Variants in ZDHHC13 observed in about 807,000 individuals in gnomAD.
ZDHHC13 encodes palmitoyltransferase ZDHHC13.
ZDHHC13 carries 85 observed loss-of-function variants against 86.0 expected under a neutral mutation model. The ratio of observed to expected loss-of-function variants is 0.99; its 90% CI spans 0.83 to 1.18. The LOEUF (loss-of-function observed/expected upper bound fraction) is 1.18, where lower values mean the gene tolerates loss of function less well. Among genes scored for constraint, ZDHHC13 ranks in the 50% most tolerant of loss-of-function variants. ZDHHC13 has a pLI of 0.00. For synonymous variants in ZDHHC13, 263 were observed against 246.4 expected, an observed-to-expected ratio of 1.07 and a Z score of -0.63; for missense variants, 711 against 730.2, an observed-to-expected ratio of 0.97 and a Z score of 0.30.
At position 19,172,262 on chromosome 11, in the gene ZDHHC13, G is replaced by A. The variant is rs945729870; in HGVS notation, c.1633-461G>A. On this transcript the variant is annotated intron_variant, in intron 15 of 16. Transcript: ENST00000446113. ...TAATTTTTGTATTTTTAGTGGAGACGGGGTTTCACCACGTTGGCCAGGCTG... is the reference window on the plus strand; with the variant it reads ...TAATTTTTGTATTTTTAGTGGAGACAGGGTTTCACCACGTTGGCCAGGCTG... Among the ~76,000 whole-genome samples the A allele has an allele frequency of 3.4e-4, 52 of 152,102 alleles. 1 individual carries two copies. The highest frequency in any genetic ancestry group is 1.1e-3 in the African/African-American group (47 of 41,488).
At chr11:19,155,661 A>G in intron 8 of ZDHHC13, 135 bp from the exon 9 acceptor site, 2 of 846,200 alleles carry the variant, frequency 2.4e-6, no homozygotes, top group Admixed American at 4.0e-5. Context: ...GCAATTTTAG[A>G]GGAAAACTTT....
chr11:19,148,383 G>A (rs1849525016), intron 4 of ZDHHC13, among the ~76,000 whole-genome samples: 1 of 151,842 alleles, frequency 6.6e-6, no homozygotes, highest in African/African-American at 2.4e-5. Flanking sequence ...TGCCCTTTAA[G>A]CTACTGAGGT....
intron 2 of ZDHHC13, among the ~76,000 whole-genome samples, chr11:19,144,925 G>T (rs538785213): frequency 6.6e-6 from 1 of 152,248 alleles, no homozygotes; most frequent in Admixed American, 6.5e-5. Flanking sequence ...AGACCAGCCT[G>T]GCTAACGTGG....
chr11:19,122,665 G>A (rs185404247), intron 1 of ZDHHC13, among the ~76,000 whole-genome samples: 11 of 152,152 alleles, frequency 7.2e-5, no homozygotes, highest in South Asian at 2.1e-4. Context: ...GACTGCCATC[G>A]TTAAAAATTA....
At chr11:19,150,553 A>G (rs1849580218) in intron 5 of ZDHHC13, among the ~76,000 whole-genome samples, 174 bp from the exon 6 acceptor site, 1 of 152,138 alleles carries the variant, frequency 6.6e-6, no homozygotes, top group African/African-American at 2.4e-5. Flanking sequence ...GTGGAAATCC[A>G]TGGATTTTTA....
intron 15 of ZDHHC13, among the ~76,000 whole-genome samples, chr11:19,170,861 G>A (rs1850203468): frequency 6.6e-6 from 1 of 152,202 alleles, no homozygotes; most frequent in Non-Finnish European, 1.5e-5. Context: ...TTTACAGATA[G>A]AAGTACAGAA....
chr11:19,153,369 T>C (rs971413560), intron 8 of ZDHHC13, among the ~76,000 whole-genome samples: 1 of 152,232 alleles, frequency 6.6e-6, no homozygotes, highest in African/African-American at 2.4e-5. Context: ...GAATATTGGA[T>C]TGATTCCACT....
chr11:19,137,752 G>A (rs1367869073), intron 1 of ZDHHC13, among the ~76,000 whole-genome samples: 1 of 152,202 alleles, frequency 6.6e-6, no homozygotes, highest in East Asian at 1.9e-4. Context: ...TCAGGATTAA[G>A]AATCTCACTC....
chr11:19,120,226 A>G (rs768404614), intron 1 of ZDHHC13, among the ~76,000 whole-genome samples: 33 of 152,220 alleles, frequency 2.2e-4, no homozygotes, highest in Non-Finnish European at 4.3e-4. Context: ...TGTGTCAGGG[A>G]CTTGGAGAGA....
At chr11:19,120,756 A>T (rs921210579) in intron 1 of ZDHHC13, among the ~76,000 whole-genome samples, 3 of 151,952 alleles carry the variant, frequency 2.0e-5, no homozygotes, top group African/African-American at 4.8e-5. Flanking sequence ...CCCTCTTTAA[A>T]TTTTTTTTCC....
chr11:19,142,758 A>G (rs1590072004), intron 1 of ZDHHC13, among the ~76,000 whole-genome samples: 1 of 151,392 alleles, frequency 6.6e-6, no homozygotes, highest in Admixed American at 6.6e-5. Flanking sequence ...TTTTTGAGAC[A>G]GAGTCTCACT....
intron 4 of ZDHHC13, among the ~76,000 whole-genome samples, chr11:19,147,992 G>C (rs1849514741): frequency 6.6e-6 from 1 of 152,142 alleles, no homozygotes. Flanking sequence ...GCTTATGACA[G>C]ATGTCTATTT....
chr11:19,155,121 C>CATTG, intron 8 of ZDHHC13, among the ~76,000 whole-genome samples: 1 of 152,258 alleles, frequency 6.6e-6, no homozygotes, highest in East Asian at 1.9e-4. Flanking sequence ...ATAGTTCCCT[C>CATTG]ATTGAGTCTT....
At chr11:19,164,576 C>T (rs1029054743) in intron 12 of ZDHHC13, 9 of 567,818 alleles carry the variant, frequency 1.6e-5, no homozygotes, top group South Asian at 4.5e-5. Context: ...TACATCTCTC[C>T]GTGAATTATC....
At chr11:19,158,781 A>G (rs1344883031) in intron 9 of ZDHHC13, among the ~76,000 whole-genome samples, 159 bp from the exon 10 acceptor site, 2 of 152,144 alleles carry the variant, frequency 1.3e-5, no homozygotes, top group Admixed American at 6.6e-5. Flanking sequence ...GCATAACTCT[A>G]TTACCACATG....
chr11:19,158,414 T>A (rs1341322909), intron 9 of ZDHHC13, among the ~76,000 whole-genome samples: 1 of 152,114 alleles, frequency 6.6e-6, no homozygotes, highest in Non-Finnish European at 1.5e-5. Context: ...TTTTAGCCTT[T>A]GTGTATCTTT....
chr11:19,120,508 C>T (rs1848739773), intron 1 of ZDHHC13, among the ~76,000 whole-genome samples: 1 of 152,172 alleles, frequency 6.6e-6, no homozygotes, highest in Non-Finnish European at 1.5e-5. Flanking sequence ...CACAGCATCA[C>T]TTCTGAAATA....
chr11:19,166,248 T>A, intron 13 of ZDHHC13, 54 bp from the exon 14 acceptor site: 1 of 1,461,754 alleles, frequency 6.8e-7, no homozygotes, highest in Non-Finnish European at 9.3e-7. Flanking sequence ...GGTCTTATGT[T>A]GAAAATCAGA....
intron 1 of ZDHHC13, among the ~76,000 whole-genome samples, chr11:19,119,643 T>G (rs1455308997): frequency 6.6e-6 from 1 of 152,250 alleles, no homozygotes; most frequent in African/African-American, 2.4e-5. Flanking sequence ...CCTCCTTCCT[T>G]GCTTTAGATT....
Sources: gnomAD v4.1 joint callset for allele counts (sites outside exome capture counted in the v4.1 genomes callset) on GRCh38, gnomAD v4.1.1 for gene constraint, MANE v1.5 for transcripts, NCBI Gene and HGNC (gene_info 2026-07-23, HGNC 2026-07-21) for gene names.